Variants in MARCHF1 observed in about 807,000 individuals in gnomAD.
The protein encoded by MARCHF1 is membrane associated ring-CH-type finger 1, also known as E3 ubiquitin-protein ligase MARCHF1.
MARCHF1 carries 40 observed loss-of-function variants against 54.2 expected under a neutral mutation model. The observed-to-expected ratio is 0.74, with a 90% confidence interval of 0.57 to 0.96. The LOEUF (loss-of-function observed/expected upper bound fraction) is 0.96. Among genes scored for constraint, MARCHF1 ranks in the 40% least tolerant of loss-of-function variants. MARCHF1 has a pLI of 0.00. For synonymous variants in MARCHF1, 236 were observed against 236.3 expected, an observed-to-expected ratio of 1.00 and a Z score of 0.01; for missense variants, 586 against 656.5, an observed-to-expected ratio of 0.89 and a Z score of 1.17.
At chr4:163,679,315 A>C (rs1744019557) in intron 5 of MARCHF1, among the ~76,000 whole-genome samples, 1 of 152,156 alleles carries the variant, frequency 6.6e-6, no homozygotes, top group African/African-American at 2.4e-5. Context: ...ATCTCTGAGT[A>C]TGTTCTGCGT....
At position 163,608,659 on chromosome 4, in the gene MARCHF1, T is replaced by C. The variant is rs62332350; in HGVS notation, c.1010+3612A>G. Among the ~76,000 whole-genome samples the C allele has an allele frequency of 4.4e-3, 673 of 152,140 alleles. 2 individuals carry two copies. The highest frequency in any genetic ancestry group is 0.027 in the Middle Eastern group (8 of 294). On this transcript the variant is annotated intron_variant, in intron 7 of 9. Transcript: ENST00000514618. ...GAGTTAAATTCCCTCTAAGGTATAATAGGCTGGTAGAGATACTTTCTCTGA... is the reference window on the plus strand; with the variant it reads ...GAGTTAAATTCCCTCTAAGGTATAACAGGCTGGTAGAGATACTTTCTCTGA...
At chr4:163,825,555 C>G (rs1748825817) in intron 4 of MARCHF1, among the ~76,000 whole-genome samples, 1 of 152,038 alleles carries the variant, frequency 6.6e-6, no homozygotes, top group East Asian at 1.9e-4. Context: ...TTTACATTCC[C>G]ACCAGCAGTG....
intron 1 of MARCHF1, among the ~76,000 whole-genome samples, chr4:164,270,366 C>T (rs1733715705): frequency 6.6e-6 from 1 of 152,180 alleles, no homozygotes; most frequent in Non-Finnish European, 1.5e-5. Context: ...ACTCCCAATT[C>T]CCCACCTACT....
intron 3 of MARCHF1, among the ~76,000 whole-genome samples, chr4:163,976,602 T>C (rs1389978760): frequency 6.6e-6 from 1 of 152,164 alleles, no homozygotes; most frequent in Non-Finnish European, 1.5e-5. Context: ...CTCAATGACG[T>C]CTGGTGATTT....
At chr4:164,343,147 C>T (rs1319897487) in intron 1 of MARCHF1, among the ~76,000 whole-genome samples, 1 of 152,062 alleles carries the variant, frequency 6.6e-6, no homozygotes. Flanking sequence ...TCAGTACACA[C>T]ATTGAAAAAA....
intron 3 of MARCHF1, among the ~76,000 whole-genome samples, chr4:163,867,451 T>G (rs918007348): frequency 2.0e-5 from 3 of 151,786 alleles, no homozygotes; most frequent in Admixed American, 6.6e-5. Context: ...TGGACACACA[T>G]ATCCATAATA....
intron 8 of MARCHF1, among the ~76,000 whole-genome samples, chr4:163,556,737 T>C (rs1392151458): frequency 2.6e-5 from 4 of 152,114 alleles, no homozygotes; most frequent in African/African-American, 7.2e-5. Context: ...CTTTAAAAAA[T>C]AGTGTTTTAG....
chr4:164,247,747 C>G (rs1220806482), intron 1 of MARCHF1, among the ~76,000 whole-genome samples: 3 of 150,104 alleles, frequency 2.0e-5, no homozygotes, highest in African/African-American at 4.9e-5. Flanking sequence ...ATGGTCATGG[C>G]TAAAGGTAAC....
intron 1 of MARCHF1, among the ~76,000 whole-genome samples, chr4:164,158,889 G>A (rs1391854623): frequency 1.3e-5 from 2 of 152,064 alleles, no homozygotes; most frequent in East Asian, 1.9e-4. Flanking sequence ...GCATGAACAT[G>A]TCTACTTCGA....
At chr4:164,219,685 T>C (rs1362766744) in intron 1 of MARCHF1, among the ~76,000 whole-genome samples, 1 of 151,970 alleles carries the variant, frequency 6.6e-6, no homozygotes. Flanking sequence ...AAGGGAGCGA[T>C]TTAAAAAGTC....
intron 1 of MARCHF1, among the ~76,000 whole-genome samples, chr4:164,216,956 G>A (rs1731952231): frequency 6.6e-6 from 1 of 151,970 alleles, no homozygotes. Context: ...AAATAATCCG[G>A]GAAAGTAGGA....
In MARCHF1 at chr4:164,157,914, A is replaced by G. The variant is rs141918609; in HGVS notation, c.-322-46252T>C. On this transcript the variant is annotated intron_variant, in intron 1 of 9. Transcript: ENST00000514618. ...GTCAACCCAAAATACACATGAAAAA[A>G]CAACTGCAACAACAGCAACTCCAAT... Among the ~76,000 whole-genome samples the G allele has an allele frequency of 8.4e-3, 1,282 of 152,282 alleles. 11 individuals are homozygous for G. Among genetic ancestry groups the G allele is most frequent in the Middle Eastern group, 0.041 (12 of 294 alleles).
At chr4:164,172,430 C>T (rs1468445476) in intron 1 of MARCHF1, among the ~76,000 whole-genome samples, 2 of 151,994 alleles carry the variant, frequency 1.3e-5, no homozygotes, top group East Asian at 1.9e-4. Flanking sequence ...AGCCCCTAGA[C>T]GATGTTATAA....
At chr4:163,597,738 A>G (rs1740823774) in intron 7 of MARCHF1, among the ~76,000 whole-genome samples, 1 of 152,170 alleles carries the variant, frequency 6.6e-6, no homozygotes, top group Non-Finnish European at 1.5e-5. Context: ...ATAGATTTAT[A>G]TATCTGAACA....
chr4:163,844,922 C>G (rs898315096), intron 4 of MARCHF1, among the ~76,000 whole-genome samples: 118 of 152,280 alleles, frequency 7.7e-4, no homozygotes, highest in African/African-American at 2.8e-3. Context: ...CATGCTATAT[C>G]ATGTAACTGT....
intron 4 of MARCHF1, among the ~76,000 whole-genome samples, chr4:163,742,426 CCTT>C: frequency 7.5e-6 from 1 of 133,904 alleles, no homozygotes; most frequent in Non-Finnish European, 1.6e-5. Context: ...TTCCTTCCTT[CCTT>C]CCTTTTCTTT....
chr4:163,611,162 TA>T (rs1426774844), intron 7 of MARCHF1, among the ~76,000 whole-genome samples: 2 of 152,082 alleles, frequency 1.3e-5, no homozygotes, highest in Non-Finnish European at 2.9e-5. Context: ...TTAGAAACTA[TA>T]CAAATCTTAC....
chr4:164,371,974 C>A (rs1205676492), intron 1 of MARCHF1, among the ~76,000 whole-genome samples: 1 of 152,170 alleles, frequency 6.6e-6, no homozygotes, highest in Admixed American at 6.5e-5. Context: ...AAGCCTCCTC[C>A]TGCAGGCTGT....
intron 4 of MARCHF1, among the ~76,000 whole-genome samples, chr4:163,776,326 TTCTGTCTCTCTCTCTGTC>T (rs1747303621): frequency 6.6e-6 from 1 of 151,584 alleles, no homozygotes; most frequent in African/African-American, 2.4e-5. Flanking sequence ...GTCTCTCTCT[TTCTGTCTCTCTCTCTGTC>T]TCTGTCTCTT....
Sources: gnomAD v4.1 joint callset for allele counts (sites outside exome capture counted in the v4.1 genomes callset) on GRCh38, gnomAD v4.1.1 for gene constraint, MANE v1.5 for transcripts, NCBI Gene and HGNC (gene_info 2026-07-23, HGNC 2026-07-21) for gene names.